The following L3MBTL4 variants were observed in gnomAD, a reference collection of about 807,000 sequenced individuals.
The protein encoded by L3MBTL4 is L3MBTL histone methyl-lysine binding protein 4.
In L3MBTL4, 70 loss-of-function variants were observed where a neutral mutation model predicts 84.5. The observed-to-expected ratio is 0.83, with a 90% CI of 0.68 to 1.01. The LOEUF (loss-of-function observed/expected upper bound fraction) is 1.01, where lower values mean the gene tolerates loss of function less well. L3MBTL4 is among the 50% of genes least tolerant of loss of function. The pLI, the probability that L3MBTL4 is intolerant of heterozygous loss-of-function variation, is 0.00. For synonymous variants in L3MBTL4, 274 were observed against 259.8 expected (o/e 1.05, Z -0.52); for missense variants, 715 against 754.8 (o/e 0.95, Z 0.62).
At chr18:6,107,991 T>C (rs1237304609) in intron 14 of L3MBTL4, among the ~76,000 whole-genome samples, 1 of 152,170 alleles carries the variant, frequency 6.6e-6, no homozygotes, top group African/African-American at 2.4e-5. Flanking sequence ...AAAAATCGCG[T>C]GCCATGCCAA....
At chr18:6,169,735 G>A (rs2043871444) in intron 13 of L3MBTL4, among the ~76,000 whole-genome samples, 1 of 151,264 alleles carries the variant, frequency 6.6e-6, no homozygotes, top group South Asian at 2.1e-4. Flanking sequence ...GCTAAATGGC[G>A]AGTTAATGGG....
chr18:6,225,795 G>T (rs985436082), intron 10 of L3MBTL4, among the ~76,000 whole-genome samples: 5 of 148,000 alleles, frequency 3.4e-5, no homozygotes, highest in African/African-American at 1.0e-4. Context: ...CTTCTACTCA[G>T]AAACTATGCA....
At chr18:6,389,019 T>C (rs1159466948) in intron 1 of L3MBTL4, among the ~76,000 whole-genome samples, 3 of 152,194 alleles carry the variant, frequency 2.0e-5, no homozygotes, top group Non-Finnish European at 2.9e-5. Flanking sequence ...TCGTTTGTGA[T>C]CATAAGCCTT....
intron 3 of L3MBTL4, among the ~76,000 whole-genome samples, chr18:6,305,645 G>A (rs980997512): frequency 6.6e-6 from 1 of 152,168 alleles, no homozygotes; most frequent in Admixed American, 6.5e-5. Flanking sequence ...CTGAAAAACA[G>A]GGAGATAATG....
rs548027802 is a variant in L3MBTL4 at position 6,274,793 on chromosome 18, G to A, written c.128-10755C>T. Among the ~76,000 whole-genome samples, 4 of 152,232 alleles carry A rather than the reference G, an allele frequency of 2.6e-5. No homozygotes were observed. In the South Asian group the frequency reaches 6.2e-4, roughly 24 times the overall value. On this transcript the variant is annotated intron_variant, in intron 4 of 18. Transcript: ENST00000317931. ...ATGGCGCACGCAGGCATGATATGAC[G>A]AGGTCTCGATTTGAGATAGCTCTCC...
At position 6,241,385 on chromosome 18, in the gene L3MBTL4, T is replaced by C. The variant is rs1335949357; in HGVS notation, c.525A>G (p.Pro175=). ...GACTTCTGTTTCTGAATAATTTCTTTGGAGCATTTTGCAATTTGCAGGCCT... is the reference window on the plus strand; with the variant it reads ...GACTTCTGTTTCTGAATAATTTCTTCGGAGCATTTTGCAATTTGCAGGCCT... ...YLKACKLQNA[P]KKLFRNRSPN... is the part of the protein sequence containing the mutation. The change falls in exon 8 of 19, where the codon CCA becomes CCG. Residue 175 remains proline, a synonymous_variant. Transcript: ENST00000317931. 2.5e-6 allele frequency: 4 copies of C among 1,601,700 alleles called. 1 individual carries two copies. The South Asian group carries it at 3.4e-5, about 13-fold the overall frequency.
chr18:6,113,788 T>C (rs1255078913), intron 14 of L3MBTL4, among the ~76,000 whole-genome samples: 1 of 152,214 alleles, frequency 6.6e-6, no homozygotes, highest in Non-Finnish European at 1.5e-5. Context: ...ACTTACTTTT[T>C]CAAACACTGG....
chr18:6,226,467 A>T (rs1243618232), intron 10 of L3MBTL4, among the ~76,000 whole-genome samples: 1 of 152,112 alleles, frequency 6.6e-6, no homozygotes, highest in African/African-American at 2.4e-5. Flanking sequence ...TCTAAAACAA[A>T]TACGGTAACA....
chr18:6,227,241 A>C (rs2046818000), intron 10 of L3MBTL4, among the ~76,000 whole-genome samples: 7 of 152,146 alleles, frequency 4.6e-5, no homozygotes, highest in Admixed American at 6.6e-5. Context: ...GTAAACAGAA[A>C]ATTGGTAAGA....
chr18:6,415,075 G>C (rs1310940520), upstream of L3MBTL4: 1 of 152,330 alleles, frequency 6.6e-6, no homozygotes, highest in Non-Finnish European at 1.5e-5. Context: ...CCATGGGAGG[G>C]AGGTGGCTGC....
chr18:6,396,749 A>C (rs2055289475), intron 1 of L3MBTL4: 3 of 152,250 alleles, frequency 2.0e-5, no homozygotes, highest in Admixed American at 2.0e-4. Context: ...GTTTCTAACA[A>C]CTGACAATCA....
intron 1 of L3MBTL4, among the ~76,000 whole-genome samples, chr18:6,343,949 G>A (rs1030815666): frequency 7.2e-5 from 8 of 110,816 alleles, no homozygotes; most frequent in Admixed American, 1.0e-4. Context: ...TACAAAATAA[G>A]AATGATGTCA....
At chr18:6,356,652 G>T (rs187327293) in intron 1 of L3MBTL4, 2 of 152,172 alleles carry the variant, frequency 1.3e-5, no homozygotes, top group East Asian at 1.9e-4. Context: ...TAAAAAATAC[G>T]GTATAAAAGA....
intron 4 of L3MBTL4, among the ~76,000 whole-genome samples, chr18:6,267,621 C>T (rs538774471): frequency 6.6e-6 from 1 of 152,240 alleles, no homozygotes; most frequent in Non-Finnish European, 1.5e-5. Context: ...TCTACAACAG[C>T]TGTGTTCTTT....
At position 5,956,288 on chromosome 18, in the gene L3MBTL4, G is replaced by A. The variant is rs1464968904; in HGVS notation, c.1777C>T (p.Leu593=). 2.7e-5 allele frequency: 43 copies of A among 1,614,070 alleles called. No individual in the cohort carries two copies. Among genetic ancestry groups the A allele is most frequent in the Non-Finnish European group, 3.6e-5 (42 of 1,179,936 alleles). Residue 593 remains leucine (L), a synonymous_variant, in exon 19 of 19, where the codon CTG becomes TTG. Coordinates refer to ENST00000317931, the MANE Select transcript of L3MBTL4 (RefSeq NM_001330559.2). ...AGTTCCTGGGAATGCCTGAACATCA[G>A]GATAGAGTTGTAAATCTTCAGTGCT... The part of the protein sequence containing the change: ...GPALKIYNSI[L]MFRHSQELPE...
rs1387959578 is a variant in L3MBTL4, at chr18:5,955,964, A to G, written c.*256T>C. On this transcript the variant is annotated 3_prime_UTR_variant, in exon 19 of 19. Coordinates refer to ENST00000317931, the MANE Select transcript of L3MBTL4 (RefSeq NM_001330559.2). Reference sequence around the variant, plus strand: ...GCTTCTTTGGTCTGTCTTGCAAACAAATCAGAGCTGAGCGGATCCCACCAA... The same window carrying G: ...GCTTCTTTGGTCTGTCTTGCAAACAGATCAGAGCTGAGCGGATCCCACCAA... 3 of 378,986 alleles carry G rather than the reference A, an allele frequency of 7.9e-6. No homozygotes were observed. The East Asian group carries it at 1.3e-4, about 17-fold the overall frequency. The allele number at this position is 378,986 out of a possible 1,614,324, so 23.5% of individuals were successfully genotyped here.
chr18:6,295,346 C>CTCTCTCTATA (rs1261475809), intron 4 of L3MBTL4, among the ~76,000 whole-genome samples: 53 of 81,384 alleles, frequency 6.5e-4, no homozygotes, highest in African/African-American at 2.5e-3. Flanking sequence ...CTCTCTCTCT[C>CTCTCTCTATA]TATATATATA....
rs896274793 is a variant in L3MBTL4 at position 6,066,604 on chromosome 18, A to C, written c.1444+14277T>G. Among the ~76,000 whole-genome samples, 5 of 152,266 alleles carry C rather than the reference A, an allele frequency of 3.3e-5. No homozygotes were observed. The East Asian group carries it at 5.8e-4, about 18-fold the overall frequency. Reference sequence around the variant, plus strand: ...GGACTAATCCTCTTATCATTACATAATGTCATTCTTTAACTGTCTTTTTTT... The same window carrying C: ...GGACTAATCCTCTTATCATTACATACTGTCATTCTTTAACTGTCTTTTTTT... On this transcript the variant is annotated intron_variant, in intron 16 of 18. Coordinates refer to ENST00000317931, the MANE Select transcript of L3MBTL4 (RefSeq NM_001330559.2).
At position 6,085,453 on chromosome 18, in the gene L3MBTL4, C is replaced by T. The variant is rs979342234; in HGVS notation, c.1374-4502G>A. On this transcript the variant is annotated intron_variant, in intron 15 of 18. Coordinates refer to ENST00000317931, the MANE Select transcript of L3MBTL4 (RefSeq NM_001330559.2). ...CATTGATATGGTTAGGCTGTGGTTT[C>T]CCACCCAAATCTCATTTTGAATTGT... Among the ~76,000 whole-genome samples, 37 of 152,256 alleles carry T rather than the reference C, an allele frequency of 2.4e-4. 1 individual carries two copies. The highest frequency in any genetic ancestry group is 8.7e-4 in the African/African-American group (36 of 41,546).
Sources: allele counts gnomAD v4.1 joint callset (sites outside exome capture counted in the v4.1 genomes callset), GRCh38; gene constraint gnomAD v4.1.1; transcripts MANE v1.5; gene names NCBI Gene and HGNC (gene_info 2026-07-23, HGNC 2026-07-21).